KCNA2: variants seen among roughly 807,000 people sequenced by gnomAD.
KCNA2 encodes potassium channel, voltage gated shaker related subfamily A, member 2.
A neutral mutation model predicts 33.4 loss-of-function variants in KCNA2; 11 were observed. The observed-to-expected ratio is 0.33, with a 90% confidence interval of 0.21 to 0.55. The LOEUF (loss-of-function observed/expected upper bound fraction) is 0.55. Among genes scored for constraint, KCNA2 ranks in the 20% least tolerant of loss-of-function variants. The probability of loss-of-function intolerance (pLI) is 0.93; values close to 1 mark genes in which losing one functional copy is unlikely to be tolerated. For synonymous variants in KCNA2, 222 were observed against 231.3 expected, an observed-to-expected ratio of 0.96 and a Z score of 0.37; for missense variants, 291 against 621.6, an observed-to-expected ratio of 0.47 and a Z score of 5.66.
intron 1 of KCNA2, among the ~76,000 whole-genome samples, chr1:110,625,997 T>C (rs1173508113): frequency 3.3e-5 from 5 of 152,194 alleles, no homozygotes; most frequent in Non-Finnish European, 7.4e-5. Flanking sequence ...TCATATATTG[T>C]TGGTGGGAGT....
chr1:110,619,740 C>T (rs1206015186), intron 1 of KCNA2, among the ~76,000 whole-genome samples: 1 of 152,204 alleles, frequency 6.6e-6, no homozygotes, highest in Non-Finnish European at 1.5e-5. Flanking sequence ...TGATATTTTT[C>T]GCCACCTATT....
Position 110,600,703 on chromosome 1 carries a change from T to C in KCNA2, c.*2580A>G. On this transcript the variant is annotated 3_prime_UTR_variant, in exon 3 of 3. Coordinates refer to ENST00000316361, the MANE Select transcript of KCNA2 (RefSeq NM_004974.4). ...CAGATATGGGTTGCTTTACCTTCTATTTTCCAAAGATCTGTGTCCCTCCCA... is the reference window on the plus strand; with the variant it reads ...CAGATATGGGTTGCTTTACCTTCTACTTTCCAAAGATCTGTGTCCCTCCCA... 2 of 985,446 alleles carry C rather than the reference T, an allele frequency of 2.0e-6. No homozygotes were observed. The allele number at this position is 985,446 out of a possible 1,614,324, so 61.0% of individuals were successfully genotyped here. A position where few individuals can be genotyped will look rare whatever the true frequency, so the allele number is the denominator to read the frequency against.
chr1:110,624,028 ACACT>A (rs1159959140), intron 1 of KCNA2, among the ~76,000 whole-genome samples: 2 of 152,206 alleles, frequency 1.3e-5, no homozygotes, highest in African/African-American at 2.4e-5. Context: ...AGAAATTGAA[ACACT>A]CATTCATTGT....
intron 1 of KCNA2, among the ~76,000 whole-genome samples, chr1:110,630,009 CTTTTTTTTTTTTTTT>C (rs372364243): frequency 1.7e-5 from 2 of 115,220 alleles, no homozygotes; most frequent in African/African-American, 7.6e-5. Context: ...GTGCTCTGTA[CTTTTTTTTTTTTTTT>C]TTTTTTTTGA....
chr1:110,613,819 G>C (rs1023313899), intron 1 of KCNA2, among the ~76,000 whole-genome samples: 1 of 152,152 alleles, frequency 6.6e-6, no homozygotes, highest in African/African-American at 2.4e-5. Context: ...AGGCACTGTG[G>C]CTCCAGAATT....
chr1:110,630,963 G>T (rs1360563999), intron 1 of KCNA2, among the ~76,000 whole-genome samples: 1 of 152,142 alleles, frequency 6.6e-6, no homozygotes, highest in Non-Finnish European at 1.5e-5. Context: ...CAAAGCCCAC[G>T]GATGGACAAC....
At chr1:110,628,656 G>A (rs900790085) in intron 1 of KCNA2, among the ~76,000 whole-genome samples, 1 of 152,170 alleles carries the variant, frequency 6.6e-6, no homozygotes, top group Non-Finnish European at 1.5e-5. Flanking sequence ...GTTGGTTGAG[G>A]CGTCTCTGTA....
upstream of KCNA2, among the ~76,000 whole-genome samples, chr1:110,609,891 A>G (rs1362169863): frequency 6.6e-6 from 1 of 152,162 alleles, no homozygotes. Context: ...AGTTACTGAC[A>G]CTCTCTGAGC....
At position 110,601,788 on chromosome 1, in the gene KCNA2, ATATATATGTG is replaced by A. The variant is rs1479421004; in HGVS notation, c.*1485_*1494del. 6.8e-6 allele frequency: 8 copies of A among 1,180,488 alleles called. No individual in the cohort carries two copies. In the Admixed American group the frequency reaches 3.1e-4, roughly 46 times the overall value. The allele number at this position is 1,180,488 out of a possible 1,614,324, so 73.1% of individuals were successfully genotyped here. A position where few individuals can be genotyped will look rare whatever the true frequency, so the allele number is the denominator to read the frequency against. On this transcript the variant is annotated 3_prime_UTR_variant, in exon 3 of 3. Coordinates refer to ENST00000316361, the MANE Select transcript of KCNA2 (RefSeq NM_004974.4). ...AACTCCAGAAAATGAATATATATAT[ATATATATGTG>A]TGTGTGTGTGTGTGTGTGTGTGTGT...
chr1:110,601,852 G>GTA lies in KCNA2; in HGVS notation c.*1429_*1430dup. Reference sequence around the variant, plus strand: ...TGTATACATATACACACATATGTATGTATATATATACACCCTAGTGCACAT... The same window carrying GTA: ...TGTATACATATACACACATATGTATGTATATATATATACACCCTAGTGCACAT... On this transcript the variant is annotated 3_prime_UTR_variant, in exon 3 of 3. Transcript: ENST00000316361. The GTA allele has an allele frequency of 5.7e-6, 8 of 1,412,270 alleles. No individual in the cohort carries two copies. The East Asian group carries it at 1.3e-4, about 23-fold the overall frequency. The allele number at this position is 1,412,270 out of a possible 1,614,324, so 87.5% of individuals were successfully genotyped here.
At chr1:110,629,002 C>G (rs542057287) in intron 1 of KCNA2, among the ~76,000 whole-genome samples, 12 of 152,282 alleles carry the variant, frequency 7.9e-5, no homozygotes, top group African/African-American at 2.6e-4. Context: ...GGCAGCAAGA[C>G]CTGATGTGTT....
chr1:110,605,036 A>G (rs116601956), intron 2 of KCNA2, 91 bp from the exon 3 acceptor site: 5 of 523,350 alleles, frequency 9.6e-6, no homozygotes, highest in Non-Finnish European at 1.7e-5. Context: ...CTCTCAGCCA[A>G]GAGTTCAGAC....
In KCNA2 at chr1:110,599,357, A is replaced by C. The variant is rs1187489960; in HGVS notation, c.*3926T>G. ...TAGGATAAAGTCAGGCCCTCTAAAA[A>C]GTGTTAGCTTGCTTAGCCTTAGATG... On this transcript the variant is annotated 3_prime_UTR_variant, in exon 3 of 3. Coordinates refer to ENST00000316361, the MANE Select transcript of KCNA2 (RefSeq NM_004974.4). 1 of 985,260 alleles carries C rather than the reference A, an allele frequency of 1.0e-6. No homozygotes were observed. The highest frequency in any genetic ancestry group is 1.7e-5 in the African/African-American group (1 of 57,246). 61.0% of individuals were successfully genotyped at this position (985,260 alleles called of 1,614,324 possible).
At chr1:110,622,290 A>G (rs543871244) in intron 1 of KCNA2, among the ~76,000 whole-genome samples, 1 of 152,284 alleles carries the variant, frequency 6.6e-6, no homozygotes, top group Non-Finnish European at 1.5e-5. Flanking sequence ...GAAAATATTC[A>G]GTATTCACTT....
Position 110,593,729 on chromosome 1 carries a change from T to C in KCNA2, c.*9554A>G, listed in dbSNP as rs1648963273. ...AAGTCTATGTACACCCATGATCAGG[T>C]GGACAGGCAATGTTCATTGAGGCAC... is the stretch of plus-strand genomic sequence containing the variant. On this transcript the variant is annotated 3_prime_UTR_variant, in exon 3 of 3. Coordinates refer to ENST00000316361, the MANE Select transcript of KCNA2 (RefSeq NM_004974.4). 5.8e-6 allele frequency: 4 copies of C among 687,468 alleles called. No individual in the cohort carries two copies. In the South Asian group the frequency reaches 7.7e-5, roughly 13 times the overall value. 42.6% of individuals were successfully genotyped at this position (687,468 alleles called of 1,614,324 possible). A position where few individuals can be genotyped will look rare whatever the true frequency, so the allele number is the denominator to read the frequency against.
At chr1:110,628,317 C>T (rs1328693756) in intron 1 of KCNA2, among the ~76,000 whole-genome samples, 4 of 152,116 alleles carry the variant, frequency 2.6e-5, no homozygotes, top group African/African-American at 9.7e-5. Flanking sequence ...GAGAGTGCAG[C>T]AAAGTGGGTG....
In KCNA2 at chr1:110,601,363, G is replaced by C; in HGVS notation, c.*1920C>G. 1 of 985,414 alleles carries C rather than the reference G, an allele frequency of 1.0e-6. No homozygotes were observed. The highest frequency in any genetic ancestry group is 4.7e-5 in the South Asian group (1 of 21,278). The allele number at this position is 985,414 out of a possible 1,614,324, so 61.0% of individuals were successfully genotyped here. On this transcript the variant is annotated 3_prime_UTR_variant, in exon 3 of 3. Coordinates refer to ENST00000316361, the MANE Select transcript of KCNA2 (RefSeq NM_004974.4). Reference sequence around the variant, plus strand: ...TTGGTGTCCTTGGTTTCAAAGCAGGGGATCCATTCTGGCTCTTTAGCGAAA... The same window carrying C: ...TTGGTGTCCTTGGTTTCAAAGCAGGCGATCCATTCTGGCTCTTTAGCGAAA...
rs1649402487 is a variant in KCNA2, at chr1:110,602,441, A to G, written c.*842T>C. The G allele has an allele frequency of 1.5e-6, 2 of 1,299,362 alleles. No individual in the cohort carries two copies. Among genetic ancestry groups the G allele is most frequent in the African/African-American group, 3.0e-5 (2 of 67,194 alleles). The allele number at this position is 1,299,362 out of a possible 1,614,324, so 80.5% of individuals were successfully genotyped here. ...TTGCATCACTGGTAAATTTCACTGC[A>G]GTGTCAGTGTAGCTGGGCCACATCA... On this transcript the variant is annotated 3_prime_UTR_variant, in exon 3 of 3. Transcript: ENST00000316361.
intron 1 of KCNA2, among the ~76,000 whole-genome samples, chr1:110,629,398 G>A (rs1437450979): frequency 1.3e-5 from 2 of 152,156 alleles, no homozygotes; most frequent in African/African-American, 4.8e-5. Flanking sequence ...AATTAATAAT[G>A]AGACCTATGT....
Sources: allele counts gnomAD v4.1 joint callset (sites outside exome capture counted in the v4.1 genomes callset), GRCh38; gene constraint gnomAD v4.1.1; transcripts MANE v1.5; gene names NCBI Gene and HGNC (gene_info 2026-07-23, HGNC 2026-07-21).